CMSS1: variants seen among roughly 807,000 people sequenced by gnomAD.
CMSS1 encodes the protein cms1 ribosomal small subunit homolog, also known as protein CMSS1.
A neutral mutation model predicts 43.5 loss-of-function variants in CMSS1; 33 were observed. The observed-to-expected ratio is 0.76, with a 90% CI of 0.57 to 1.01. The LOEUF (loss-of-function observed/expected upper bound fraction) is 1.01. Among genes scored for constraint, CMSS1 ranks in the 50% least tolerant of loss-of-function variants. The probability of loss-of-function intolerance (pLI) is 0.00; values close to 1 mark genes in which losing one functional copy is unlikely to be tolerated. For missense variants in CMSS1, 313 were observed against 326.4 expected (o/e 0.96, Z 0.32); for synonymous variants, 115 against 117.2 (o/e 0.98, Z 0.12).
At chr3:99,860,750 C>G (rs1307570423) in intron 1 of CMSS1, among the ~76,000 whole-genome samples, 1 of 152,172 alleles carries the variant, frequency 6.6e-6, no homozygotes, top group African/African-American at 2.4e-5. Context: ...GGAGTGACAA[C>G]AAGTACAGCA....
chr3:99,859,432 ACTTCATTTTGATGG>A (rs1944133891), intron 1 of CMSS1, among the ~76,000 whole-genome samples: 1 of 152,212 alleles, frequency 6.6e-6, no homozygotes, highest in South Asian at 2.1e-4. Context: ...TAAGTATGTA[ACTTCATTTTGATGG>A]GCTTAAATTC....
intron 1 of CMSS1, among the ~76,000 whole-genome samples, chr3:99,933,245 G>A (rs2107666028): frequency 6.6e-6 from 1 of 152,288 alleles, no homozygotes; most frequent in South Asian, 2.1e-4. Context: ...TCCGAAAAAT[G>A]CCTATAGCCT....
rs114258113 is a variant in CMSS1 at position 100,166,235 on chromosome 3, T to C, written c.356-100T>C. On this transcript the variant is annotated intron_variant, in intron 4 of 9. Coordinates refer to ENST00000421999, the MANE Select transcript of CMSS1 (RefSeq NM_032359.4). The stretch of plus-strand genomic sequence containing the variant: ...AAAATGGGCCCCCAATTCACTAATA[T>C]TTTACAACCTTATACATCACTCATA... 6,045 of 758,638 alleles carry C rather than the reference T, an allele frequency of 8.0e-3. 62 individuals carry two copies. Among genetic ancestry groups the C allele is most frequent in the South Asian group, 0.019 (1,145 of 59,592 alleles). The allele number at this position is 758,638 out of a possible 1,614,324, so 47.0% of individuals were successfully genotyped here.
intron 1 of CMSS1, among the ~76,000 whole-genome samples, chr3:100,111,081 C>A (rs1266466606): frequency 1.3e-5 from 2 of 152,118 alleles, no homozygotes; most frequent in East Asian, 3.8e-4. Flanking sequence ...TATTCTACTT[C>A]ATCATTCCAC....
chr3:99,929,058 CT>C (rs1364396847), intron 1 of CMSS1, among the ~76,000 whole-genome samples: 1 of 152,200 alleles, frequency 6.6e-6, no homozygotes, highest in Non-Finnish European at 1.5e-5. Flanking sequence ...CTGAAACTTG[CT>C]TTCACTCTCC....
intron 1 of CMSS1, among the ~76,000 whole-genome samples, chr3:99,921,606 A>G (rs1212385997): frequency 1.3e-5 from 2 of 152,192 alleles, no homozygotes; most frequent in African/African-American, 2.4e-5. Flanking sequence ...GAATATTCTC[A>G]TATCTTCTGG....
intron 1 of CMSS1, chr3:99,848,949 G>C (rs1017201688): frequency 6.2e-6 from 10 of 1,614,050 alleles, no homozygotes; most frequent in Admixed American, 1.7e-5. Flanking sequence ...TTTGTACATG[G>C]TCTGGAGTAA....
chr3:100,139,529 ATGTGTGTGTGTGTGTGTGTG>A (rs201315535), intron 1 of CMSS1, among the ~76,000 whole-genome samples: 3 of 129,294 alleles, frequency 2.3e-5, no homozygotes, highest in Admixed American at 8.0e-5. Flanking sequence ...TAAAAAAAAA[ATGTGTGTGTGTGTGTGTGTG>A]TGTGTGTGTG....
At chr3:99,873,564 A>C (rs968245285) in intron 1 of CMSS1, among the ~76,000 whole-genome samples, 6 of 152,196 alleles carry the variant, frequency 3.9e-5, no homozygotes, top group African/African-American at 1.4e-4. Flanking sequence ...CTAGACATGG[A>C]CAGAACATGA....
At chr3:99,948,573 G>A (rs1708081546) in intron 1 of CMSS1, among the ~76,000 whole-genome samples, 1 of 144,924 alleles carries the variant, frequency 6.9e-6, no homozygotes, top group Non-Finnish European at 1.5e-5. Flanking sequence ...AGAAGGCGAA[G>A]GAGAAGAAAG....
chr3:100,146,665 A>T (rs147608518), intron 1 of CMSS1, among the ~76,000 whole-genome samples: 2 of 152,340 alleles, frequency 1.3e-5, no homozygotes, highest in East Asian at 3.9e-4. Flanking sequence ...GCCTTTTGTC[A>T]TTGTAAACTC....
intron 1 of CMSS1, among the ~76,000 whole-genome samples, chr3:99,938,419 A>C (rs1179029278): frequency 6.6e-6 from 1 of 152,220 alleles, no homozygotes; most frequent in Non-Finnish European, 1.5e-5. Flanking sequence ...AGACTGCATA[A>C]CACGGAGTGA....
At chr3:99,944,424 G>A (rs141139290) in intron 1 of CMSS1, among the ~76,000 whole-genome samples, 6 of 152,308 alleles carry the variant, frequency 3.9e-5, no homozygotes, top group Non-Finnish European at 7.3e-5. Flanking sequence ...AGGCTGTCAC[G>A]TCTGTCTCTC....
chr3:100,070,591 T>C (rs992037303), intron 1 of CMSS1, among the ~76,000 whole-genome samples: 2 of 152,202 alleles, frequency 1.3e-5, no homozygotes, highest in Non-Finnish European at 2.9e-5. Context: ...AAGTTGTCTA[T>C]GAATAAAGAC....
intron 1 of CMSS1, among the ~76,000 whole-genome samples, chr3:100,000,576 G>T (rs183635440): frequency 2.6e-5 from 4 of 152,194 alleles, no homozygotes; most frequent in African/African-American, 7.2e-5. Context: ...CTGACCAGGC[G>T]CAGTAGCTTA....
intron 1 of CMSS1, among the ~76,000 whole-genome samples, chr3:100,047,929 A>G (rs1025457448): frequency 2.0e-5 from 3 of 152,188 alleles, no homozygotes; most frequent in African/African-American, 7.2e-5. Context: ...CAAATTTTCT[A>G]TGGTGAGTTG....
intron 1 of CMSS1, among the ~76,000 whole-genome samples, chr3:99,963,634 C>T (rs532938082): frequency 2.9e-4 from 44 of 151,026 alleles, no homozygotes; most frequent in South Asian, 8.4e-4. Context: ...TTTTTTTAGA[C>T]GGAGTGTCGC....
At chr3:99,946,519 G>A (rs1166952219) in intron 1 of CMSS1, among the ~76,000 whole-genome samples, 1 of 152,172 alleles carries the variant, frequency 6.6e-6, no homozygotes, top group East Asian at 1.9e-4. Context: ...GAACTGCCCT[G>A]TTGATGTAGC....
chr3:99,984,995 T>G (rs896072951), intron 1 of CMSS1, among the ~76,000 whole-genome samples: 1 of 152,196 alleles, frequency 6.6e-6, no homozygotes, highest in African/African-American at 2.4e-5. Context: ...TAACTCGTGT[T>G]AAAAATAAAT....
Sources: allele counts gnomAD v4.1 joint callset (sites outside exome capture counted in the v4.1 genomes callset), GRCh38; gene constraint gnomAD v4.1.1; transcripts MANE v1.5; gene names NCBI Gene and HGNC (gene_info 2026-07-23, HGNC 2026-07-21).